The following MTG2 variants were observed in gnomAD, a reference collection of about 807,000 sequenced individuals.
MTG2 encodes the protein mitochondrial ribosome-associated GTPase 2.
MTG2 carries 23 observed loss-of-function variants against 28.6 expected under a neutral mutation model. The observed-to-expected ratio is 0.80, with a 90% CI of 0.58 to 1.14. The LOEUF (loss-of-function observed/expected upper bound fraction) is 1.14, where lower values mean the gene tolerates loss of function less well. Ranked by LOEUF, MTG2 falls within the 50% of genes most tolerant of loss-of-function variation. The pLI is 0.00. For synonymous variants in MTG2, 260 were observed against 251.8 expected (o/e 1.03, Z -0.31); for missense variants, 539 against 552.0 (o/e 0.98, Z 0.24).
intron 5 of MTG2, 51 bp downstream of exon 5, chr20:62,198,903 TC>T (rs1400447967): frequency 1.2e-6 from 2 of 1,605,894 alleles, no homozygotes; most frequent in African/African-American, 2.7e-5. Flanking sequence ...CTCTAGAAAA[TC>T]CACTTTTCTC....
At position 62,199,182 on chromosome 20, in the gene MTG2, G is replaced by A. The variant is rs146207812; in HGVS notation, c.751G>A (p.Val251Met). 1,322 of 1,614,144 alleles carry A rather than the reference G, an allele frequency of 8.2e-4. 10 individuals are homozygous for A. The African/African-American group carries it at 0.014, about 18-fold the overall frequency. Residue 251 changes from valine to methionine, a missense_variant, in exon 6 of 7, where the codon GTG (valine) becomes ATG (methionine). Transcript: ENST00000370823. Reference protein sequence around the residue: ...LRAISNARPAVASYPFTTLKP... With the variant: ...LRAISNARPAMASYPFTTLKP... ...GGCCATTTCAAACGCCAGACCCGCC[G>A]TGGCTTCCTACCCGTTCACCACCCT... is the stretch of plus-strand genomic sequence containing the variant.
chr20:62,193,963 G>T, intron 2 of MTG2: 1 of 211,146 alleles, frequency 4.7e-6, no homozygotes, highest in Admixed American at 5.5e-5. Flanking sequence ...GCGGAGGCTG[G>T]GCACGGTGGC....
chr20:62,189,605 A>G (rs1311464778), intron 1 of MTG2, among the ~76,000 whole-genome samples: 2 of 151,574 alleles, frequency 1.3e-5, no homozygotes, highest in Non-Finnish European at 2.9e-5. Flanking sequence ...GTGCCCAGCT[A>G]GCTCTTTTTA....
At position 62,189,664 on chromosome 20, in the gene MTG2, C is replaced by CCT. The variant is rs750430757; in HGVS notation, c.-5-3752_-5-3751insCT. 1.6e-3 allele frequency among the ~76,000 whole-genome samples: 177 copies of CCT among 113,642 alleles called. 2 individuals are homozygous for CCT. Among genetic ancestry groups the CCT allele is most frequent in the Non-Finnish European group, 1.7e-3 (90 of 53,162 alleles). The allele number at this position is 113,642 out of a possible 152,430, so 74.6% of individuals were successfully genotyped here. ...TTTAATTAGAATTTGTAAACATTAA[C>CCT]TTTTTTTTTTTTTTTTTTTGAGATG... On this transcript the variant is annotated intron_variant, in intron 1 of 6. Coordinates refer to ENST00000370823, the MANE Select transcript of MTG2 (RefSeq NM_015666.4).
Position 62,197,924 on chromosome 20 carries a change from G to T in MTG2, c.425G>T (p.Ser142Ile). 1.2e-6 allele frequency: 2 copies of T among 1,614,224 alleles called. No homozygotes were observed. The highest frequency in any genetic ancestry group is 1.7e-6 in the Non-Finnish European group (2 of 1,180,040). Reference sequence around the variant, plus strand: ...GGTTTCAGTGGAGAAGATGGAGGGAGTAAAAACTGCTTCGGGCGCAGTGGC... The same window carrying T: ...GGTTTCAGTGGAGAAGATGGAGGGATTAAAAACTGCTTCGGGCGCAGTGGC... ...YQGFSGEDGG[S>I]KNCFGRSGAV... Residue 142 changes from serine (S) to isoleucine (I), a missense_variant, in exon 4 of 7, where the codon AGT becomes ATT. Physicochemically the swap from Ser to Ile is moderately radical, Grantham distance 142 (BLOSUM62 -2). Transcript: ENST00000370823.
intron 2 of MTG2, chr20:62,194,063 A>T (rs1453594622): frequency 6.6e-6 from 1 of 151,710 alleles, no homozygotes; most frequent in African/African-American, 2.4e-5. Flanking sequence ...AACATGGTGA[A>T]ACCCTGTCTC....
chr20:62,185,083 C>G (rs1360629190), intron 1 of MTG2, among the ~76,000 whole-genome samples: 5 of 152,002 alleles, frequency 3.3e-5, no homozygotes, highest in Non-Finnish European at 7.4e-5. Context: ...GCTCTCCAAC[C>G]TGGGCTACAA....
At chr20:62,187,849 G>C (rs1280422741) in intron 1 of MTG2, among the ~76,000 whole-genome samples, 1 of 152,150 alleles carries the variant, frequency 6.6e-6, no homozygotes, top group Admixed American at 6.5e-5. Flanking sequence ...TCTACTCGAC[G>C]CTTACTTTGC....
rs773195386 is a variant in MTG2 at position 62,200,651 on chromosome 20, G to C, written c.827-32G>C. The C allele has an allele frequency of 2.6e-6, 4 of 1,557,100 alleles. No individual in the cohort carries two copies. The East Asian group carries it at 9.0e-5, about 35-fold the overall frequency. On this transcript the variant is annotated intron_variant, in intron 6 of 6. Transcript: ENST00000370823. ...CTCTTGGGTGCTGGGTGTGCCAAGTGGTCACCTCGTGTGCCCCTGTCTTCC... is the reference window on the plus strand; with the variant it reads ...CTCTTGGGTGCTGGGTGTGCCAAGTCGTCACCTCGTGTGCCCCTGTCTTCC...
intron 1 of MTG2, among the ~76,000 whole-genome samples, chr20:62,190,998 G>A (rs2057947805): frequency 6.6e-6 from 1 of 152,120 alleles, no homozygotes; most frequent in Non-Finnish European, 1.5e-5. Flanking sequence ...GGAGCTGAGG[G>A]CGGGTCACAG....
chr20:62,184,229 G>GCA (rs2057790771), intron 1 of MTG2, among the ~76,000 whole-genome samples: 3 of 152,136 alleles, frequency 2.0e-5, no homozygotes, highest in Non-Finnish European at 4.4e-5. Flanking sequence ...GTGGTGGCAG[G>GCA]CGCCTGTAAT....
chr20:62,184,162 G>A (rs189380780), intron 1 of MTG2, among the ~76,000 whole-genome samples: 10 of 152,210 alleles, frequency 6.6e-5, no homozygotes, highest in African/African-American at 9.6e-5. Flanking sequence ...TTAAAGACCA[G>A]CCTGGCCAAC....
At chr20:62,200,485 A>AT (rs1414995831) in intron 6 of MTG2, among the ~76,000 whole-genome samples, 198 bp from the exon 7 acceptor site, 2 of 152,172 alleles carry the variant, frequency 1.3e-5, no homozygotes, top group African/African-American at 4.8e-5. Flanking sequence ...CTCAGGTGTC[A>AT]GTTGGCCCAG....
intron 1 of MTG2, among the ~76,000 whole-genome samples, chr20:62,192,268 G>A (rs888758181): frequency 6.6e-6 from 1 of 152,210 alleles, no homozygotes; most frequent in Non-Finnish European, 1.5e-5. Context: ...ATGATTTGCG[G>A]TAGTGGCTCA....
intron 1 of MTG2, among the ~76,000 whole-genome samples, chr20:62,188,040 A>G (rs1483388691): frequency 1.3e-5 from 2 of 151,430 alleles, no homozygotes; most frequent in East Asian, 3.9e-4. Context: ...CTGAGGCAGG[A>G]GAATGGCGTG....
chr20:62,200,529 G>C (rs201137793), intron 6 of MTG2, among the ~76,000 whole-genome samples, 154 bp from the exon 7 acceptor site: 2 of 152,030 alleles, frequency 1.3e-5, no homozygotes, highest in Non-Finnish European at 2.9e-5. Context: ...AATGGCTTCA[G>C]TTCAAGGCGT....
intron 6 of MTG2, chr20:62,200,093 A>T (rs1472740258): frequency 6.6e-6 from 1 of 152,168 alleles, no homozygotes; most frequent in Admixed American, 6.5e-5. Context: ...CAGTTCAGAA[A>T]CCTGCATTGA....
chr20:62,188,097 C>G (rs1184100344), intron 1 of MTG2, among the ~76,000 whole-genome samples: 2 of 149,470 alleles, frequency 1.3e-5, no homozygotes, highest in African/African-American at 4.9e-5. Flanking sequence ...CACCACTGCA[C>G]TCCAGCCTGG....
chr20:62,191,933 G>A (rs1485475716), intron 1 of MTG2, among the ~76,000 whole-genome samples: 1 of 152,252 alleles, frequency 6.6e-6, no homozygotes, highest in East Asian at 1.9e-4. Flanking sequence ...CTTAAATGAG[G>A]CTTTGAGAGT....
Sources: allele counts gnomAD v4.1 joint callset (sites outside exome capture counted in the v4.1 genomes callset), GRCh38; gene constraint gnomAD v4.1.1; transcripts MANE v1.5; gene names NCBI Gene and HGNC (gene_info 2026-07-23, HGNC 2026-07-21).